The following DAB2 variants were observed in gnomAD, a reference collection of about 807,000 sequenced individuals.
DAB2 encodes disabled homolog 2.
In DAB2, 28 loss-of-function variants were observed where a neutral mutation model predicts 71.6. The observed-to-expected ratio is 0.39, with a 90% CI of 0.29 to 0.54. DAB2 has a LOEUF of 0.54. Among genes scored for constraint, DAB2 ranks in the 20% least tolerant of loss-of-function variants. DAB2 has a pLI of 0.68. For synonymous variants in DAB2, 345 were observed against 339.7 expected, an observed-to-expected ratio of 1.02 and a Z score of -0.17; for missense variants, 867 against 928.8, an observed-to-expected ratio of 0.93 and a Z score of 0.86.
intron 1 of DAB2, among the ~76,000 whole-genome samples, chr5:39,400,221 G>T (rs1370335884): frequency 2.6e-5 from 4 of 151,766 alleles, no homozygotes; most frequent in African/African-American, 9.7e-5. Flanking sequence ...CTATGAAACA[G>T]AATGTGTCTC....
chr5:39,415,490 G>T (rs781141653), intron 1 of DAB2, among the ~76,000 whole-genome samples: 8 of 152,190 alleles, frequency 5.3e-5, no homozygotes, highest in Non-Finnish European at 1.5e-5. Flanking sequence ...AACCAGACAT[G>T]TTCTGTGGCA....
At chr5:39,395,482 A>G (rs1342449953) in intron 1 of DAB2, among the ~76,000 whole-genome samples, 2 of 152,242 alleles carry the variant, frequency 1.3e-5, no homozygotes, top group Non-Finnish European at 2.9e-5. Flanking sequence ...TTTGTTAGAT[A>G]CTTAAAGAAT....
chr5:39,413,264 G>T (rs1000377475), intron 1 of DAB2, among the ~76,000 whole-genome samples: 2 of 152,138 alleles, frequency 1.3e-5, no homozygotes, highest in African/African-American at 4.8e-5. Flanking sequence ...TAATTGAAAG[G>T]TTAAGGACTA....
intron 13 of DAB2, among the ~76,000 whole-genome samples, chr5:39,375,309 G>A (rs976891102): frequency 1.4e-4 from 21 of 152,200 alleles, no homozygotes; most frequent in Admixed American, 7.9e-4. Context: ...TTGCCTCCCC[G>A]AAATGGGAAG....
At chr5:39,399,430 G>A (rs1755447759) in intron 1 of DAB2, among the ~76,000 whole-genome samples, 1 of 152,216 alleles carries the variant, frequency 6.6e-6, no homozygotes, top group Non-Finnish European at 1.5e-5. Flanking sequence ...GATGACACAT[G>A]TAAAAACAAA....
chr5:39,410,040 G>A (rs1384883745), intron 1 of DAB2, among the ~76,000 whole-genome samples: 1 of 152,148 alleles, frequency 6.6e-6, no homozygotes, highest in African/African-American at 2.4e-5. Flanking sequence ...GAGGGACTTT[G>A]AAGATTTTCT....
intron 1 of DAB2, among the ~76,000 whole-genome samples, chr5:39,400,024 C>G (rs1048569243): frequency 6.6e-6 from 1 of 152,084 alleles, no homozygotes; most frequent in Admixed American, 6.5e-5. Flanking sequence ...ACCTTCTTAC[C>G]CTAATTATAC....
intron 1 of DAB2, among the ~76,000 whole-genome samples, chr5:39,407,353 G>A (rs910666560): frequency 1.3e-5 from 2 of 152,262 alleles, no homozygotes; most frequent in African/African-American, 4.8e-5. Flanking sequence ...CTGAGAAGTC[G>A]GGACTACAGG....
At chr5:39,424,449 G>A (rs1176314998) in intron 1 of DAB2, among the ~76,000 whole-genome samples, 5 of 147,614 alleles carry the variant, frequency 3.4e-5, no homozygotes, top group African/African-American at 7.6e-5. Flanking sequence ...AGTGTCCTAG[G>A]AGGGCTGCCC....
At chr5:39,416,563 C>T (rs1755850699) in intron 1 of DAB2, among the ~76,000 whole-genome samples, 1 of 152,166 alleles carries the variant, frequency 6.6e-6, no homozygotes, top group Non-Finnish European at 1.5e-5. Flanking sequence ...TTCCCCTAAA[C>T]AGACACATAG....
chr5:39,410,234 C>T (rs899751343), intron 1 of DAB2, among the ~76,000 whole-genome samples: 4 of 152,128 alleles, frequency 2.6e-5, no homozygotes, highest in Non-Finnish European at 5.9e-5. Context: ...TTGACTACTC[C>T]ATTTACATTT....
chr5:39,398,793 C>T (rs1755435946), intron 1 of DAB2, among the ~76,000 whole-genome samples: 3 of 152,138 alleles, frequency 2.0e-5, no homozygotes, highest in African/African-American at 4.8e-5. Context: ...AGAGCACGTC[C>T]CCATCATAGA....
Position 39,375,016 on chromosome 5 carries a change from A to C in DAB2, c.*3T>G, listed in dbSNP as rs1226038722. ...GCTTATTAGGATCTTCTACTTACAG[A>C]ATTTAGGCAAAAGGATTTCCAAATG... On this transcript the variant is annotated splice_region_variant and 3_prime_UTR_variant, in exon 14 of 15. Coordinates refer to ENST00000320816, the MANE Select transcript of DAB2 (RefSeq NM_001343.4). 1.9e-6 allele frequency: 3 copies of C among 1,605,450 alleles called. No homozygotes were observed. Among genetic ancestry groups the C allele is most frequent in the Non-Finnish European group, 2.6e-6 (3 of 1,172,868 alleles).
chr5:39,378,242 G>T (rs986985732), intron 11 of DAB2, among the ~76,000 whole-genome samples: 1 of 152,094 alleles, frequency 6.6e-6, no homozygotes, highest in Non-Finnish European at 1.5e-5. Context: ...TGAGAGGCTC[G>T]CTCCCTGCAT....
intron 1 of DAB2, chr5:39,417,354 C>T (rs1395857485): frequency 6.6e-6 from 1 of 152,066 alleles, no homozygotes; most frequent in African/African-American, 2.4e-5. Flanking sequence ...TATAATTCAT[C>T]CCTACTTTTC....
At chr5:39,388,517 T>C (rs1329055036) in intron 8 of DAB2, 150 bp from the exon 9 acceptor site, 1 of 669,898 alleles carries the variant, frequency 1.5e-6, no homozygotes, top group African/African-American at 1.8e-5. Flanking sequence ...GCTGTTTAGG[T>C]CAGGAAGTGT....
intron 1 of DAB2, among the ~76,000 whole-genome samples, chr5:39,421,970 T>C (rs1467666365): frequency 1.3e-5 from 2 of 151,862 alleles, no homozygotes; most frequent in Middle Eastern, 3.5e-3. Flanking sequence ...ATCAGGAGAC[T>C]GAGGTCACAG....
chr5:39,407,936 T>C (rs2112093264), intron 1 of DAB2, among the ~76,000 whole-genome samples: 1 of 152,378 alleles, frequency 6.6e-6, no homozygotes, highest in South Asian at 2.1e-4. Context: ...AATCTTAAAC[T>C]TCTCCTCTTC....
intron 1 of DAB2, among the ~76,000 whole-genome samples, chr5:39,405,124 C>T (rs1396938310): frequency 2.0e-5 from 3 of 152,212 alleles, no homozygotes; most frequent in African/African-American, 7.2e-5. Context: ...CTTGTATGAA[C>T]ACAGACATGC....
Sources: gnomAD v4.1 joint callset for allele counts (sites outside exome capture counted in the v4.1 genomes callset) on GRCh38, gnomAD v4.1.1 for gene constraint, MANE v1.5 for transcripts, NCBI Gene and HGNC (gene_info 2026-07-23, HGNC 2026-07-21) for gene names.